RTN4: variants seen among roughly 807,000 people sequenced by gnomAD.
RTN4 encodes reticulon-4.
RTN4 carries 32 observed loss-of-function variants against 90.4 expected under a neutral mutation model. The observed-to-expected ratio is 0.35, with a 90% CI of 0.27 to 0.48. RTN4 has a LOEUF of 0.48. Among genes scored for constraint, RTN4 ranks in the 20% least tolerant of loss-of-function variants. The pLI is 0.99. For missense variants in RTN4, 1,706 were observed against 1,430.2 expected, an observed-to-expected ratio of 1.19 and a Z score of -3.11; for synonymous variants, 629 against 552.5, an observed-to-expected ratio of 1.14 and a Z score of -1.94.
At chr2:55,005,418 C>T (rs948616261) in intron 3 of RTN4, among the ~76,000 whole-genome samples, 21 of 152,080 alleles carry the variant, frequency 1.4e-4, no homozygotes, top group Admixed American at 2.0e-4. Context: ...TTAACACTGA[C>T]GAAATAGCTA....
chr2:55,017,275 T>C (rs1312052672), intron 3 of RTN4, among the ~76,000 whole-genome samples: 4 of 152,190 alleles, frequency 2.6e-5, no homozygotes, highest in Admixed American at 6.5e-5. Context: ...AGGCTATATA[T>C]ACTTTTTCAG....
intron 1 of RTN4, among the ~76,000 whole-genome samples, chr2:55,043,349 T>G (rs2860453): frequency 0.32 from 48,475 of 152,086 alleles, 9,104 homozygotes; most frequent in East Asian, 0.62. Flanking sequence ...AATCAAGAAA[T>G]AGCCATTCAG....
chr2:55,088,694 G>A (rs1270717519), intron 1 of RTN4, among the ~76,000 whole-genome samples: 4 of 152,186 alleles, frequency 2.6e-5, no homozygotes, highest in Non-Finnish European at 5.9e-5. Flanking sequence ...TCAAAATGAT[G>A]ACGGGGAGTT....
intron 3 of RTN4, among the ~76,000 whole-genome samples, chr2:54,997,923 A>C (rs1679558987): frequency 6.6e-6 from 1 of 152,186 alleles, no homozygotes; most frequent in Non-Finnish European, 1.5e-5. Flanking sequence ...GATAGGAATA[A>C]ACAGTATATA....
chr2:55,129,718 C>T, the RTN4 span, among the ~76,000 whole-genome samples: 1 of 152,116 alleles, frequency 6.6e-6, no homozygotes, highest in African/African-American at 2.4e-5. Flanking sequence ...CTTGCCACCA[C>T]ACCCAGCTAA....
chr2:55,085,315 C>G, intron 1 of RTN4, among the ~76,000 whole-genome samples: 1 of 144,670 alleles, frequency 6.9e-6, no homozygotes. Flanking sequence ...ACATATACAC[C>G]CACACACACA....
In RTN4 at chr2:55,025,057, A is replaced by T; in HGVS notation, c.3013+29T>A. On this transcript the variant is annotated intron_variant, in intron 3 of 8. Coordinates refer to ENST00000337526, the MANE Select transcript of RTN4 (RefSeq NM_020532.5). ...TCCCTAAATCCAAAAGTGGCATGAA[A>T]GCACAAAACTGCATATAGATTGGAT... The T allele has an allele frequency of 1.9e-6, 3 of 1,554,666 alleles. No homozygotes were observed. The South Asian group carries it at 3.7e-5, about 19-fold the overall frequency.
chr2:55,098,518 C>T (rs1667792887), intron 1 of RTN4, among the ~76,000 whole-genome samples: 1 of 151,968 alleles, frequency 6.6e-6, no homozygotes, highest in South Asian at 2.1e-4. Flanking sequence ...TATTTTGAAG[C>T]AAATGCCAGA....
intron 5 of RTN4, among the ~76,000 whole-genome samples, chr2:54,982,031 C>T (rs962780474): frequency 9.2e-5 from 14 of 151,798 alleles, no homozygotes; most frequent in African/African-American, 3.1e-4. Context: ...CTCAGCTCAC[C>T]GAAACCTCTG....
At position 54,973,004 on chromosome 2, in the gene RTN4, C is replaced by T. The variant is rs1677232558; in HGVS notation, c.*152G>A. ...TGGCAGTCAAGACAGGTAATTTTTC[C>T]TCACAACAGTGCATGGCTAAAAATA... On this transcript the variant is annotated 3_prime_UTR_variant, in exon 9 of 9. Coordinates refer to ENST00000337526, the MANE Select transcript of RTN4 (RefSeq NM_020532.5). 1.8e-6 allele frequency: 1 copy of T among 569,002 alleles called. No homozygotes were observed. Among genetic ancestry groups the T allele is most frequent in the African/African-American group, 1.9e-5 (1 of 53,544 alleles). 35.2% of individuals were successfully genotyped at this position (569,002 alleles called of 1,614,324 possible). A position where few individuals can be genotyped will look rare whatever the true frequency, so the allele number is the denominator to read the frequency against.
At position 55,104,965 on chromosome 2, in the gene RTN4, C is replaced by G. The variant is rs181338935; in HGVS notation, c.-214+7555G>C. Among the ~76,000 whole-genome samples the G allele has an allele frequency of 3.3e-3, 496 of 151,878 alleles. 2 individuals are homozygous for G. Among genetic ancestry groups the G allele is most frequent in the Non-Finnish European group, 4.6e-3 (310 of 67,980 alleles). ...GAGACCACAGGAGCATACCACTACGCCAGGCTAATTTTTATATTTTTTGTA... is the reference window on the plus strand; with the variant it reads ...GAGACCACAGGAGCATACCACTACGGCAGGCTAATTTTTATATTTTTTGTA... On this transcript the variant is annotated intron_variant, in intron 1 of 3. Coordinates refer to the RTN4 transcript ENST00000427710.
intron 1 of RTN4, among the ~76,000 whole-genome samples, chr2:55,109,494 GA>G (rs1315380114): frequency 6.6e-6 from 1 of 151,960 alleles, no homozygotes; most frequent in African/African-American, 2.4e-5. Context: ...GCCTTGAATA[GA>G]AAAAAGGGTA....
At chr2:55,083,483 C>T (rs763060683) in intron 1 of RTN4, among the ~76,000 whole-genome samples, 3 of 151,768 alleles carry the variant, frequency 2.0e-5, no homozygotes, top group Non-Finnish European at 2.9e-5. Flanking sequence ...GACAACAAAG[C>T]GAGACTCCGT....
At chr2:55,066,211 G>GTC (rs1558865112) in intron 2 of RTN4, among the ~76,000 whole-genome samples, 1 of 151,592 alleles carries the variant, frequency 6.6e-6, no homozygotes, top group East Asian at 1.9e-4. Flanking sequence ...GTGTGTGTGT[G>GTC]TGTGTGTGTG....
At chr2:55,136,211 A>C in the RTN4 span, among the ~76,000 whole-genome samples, 2 of 152,202 alleles carry the variant, frequency 1.3e-5, no homozygotes, top group African/African-American at 2.4e-5. Context: ...GCAAAGTTTC[A>C]CTGGTCTATA....
intron 3 of RTN4, among the ~76,000 whole-genome samples, chr2:55,011,753 G>A (rs1023305937): frequency 4.6e-5 from 7 of 151,928 alleles, no homozygotes; most frequent in Non-Finnish European, 4.4e-5. Flanking sequence ...AAAATGAGAG[G>A]GGAAAAAGGA....
the RTN4 span, among the ~76,000 whole-genome samples, chr2:55,131,237 C>T: frequency 2.0e-5 from 3 of 151,224 alleles, no homozygotes; most frequent in Non-Finnish European, 4.4e-5. Flanking sequence ...GACATAAGGT[C>T]TCACCCTTTC....
intron 2 of RTN4, among the ~76,000 whole-genome samples, chr2:55,063,489 A>G (rs1224272056): frequency 6.6e-6 from 1 of 151,688 alleles, no homozygotes; most frequent in Non-Finnish European, 1.5e-5. Context: ...AGCAGATGCA[A>G]CGTCATTTAG....
At chr2:55,119,888 C>T in the RTN4 span, among the ~76,000 whole-genome samples, 1 of 152,248 alleles carries the variant, frequency 6.6e-6, no homozygotes, top group Non-Finnish European at 1.5e-5. Flanking sequence ...CATTGACCAG[C>T]TGGCTTCTCA....
Sources: allele counts gnomAD v4.1 joint callset (sites outside exome capture counted in the v4.1 genomes callset), GRCh38; gene constraint gnomAD v4.1.1; transcripts MANE v1.5; gene names NCBI Gene and HGNC (gene_info 2026-07-23, HGNC 2026-07-21).